Variants in STPG4 observed in about 807,000 individuals in gnomAD.
The protein encoded by STPG4 is protein STPG4.
Under a neutral mutation model 31.5 loss-of-function variants are expected in STPG4, and 41 were observed. The observed-to-expected ratio is 1.30, with a 90% CI of 1.01 to 1.69. The LOEUF (loss-of-function observed/expected upper bound fraction) is 1.69. Ranked by LOEUF, STPG4 falls within the 40% of genes most tolerant of loss-of-function variation. The pLI is 0.00. For synonymous variants in STPG4, 141 were observed against 103.0 expected, an observed-to-expected ratio of 1.37 and a Z score of -2.24; for missense variants, 375 against 293.4, an observed-to-expected ratio of 1.28 and a Z score of -2.03.
chr2:47,095,419 C>T (rs1006395260), intron 5 of STPG4, among the ~76,000 whole-genome samples: 2 of 152,180 alleles, frequency 1.3e-5, no homozygotes, highest in African/African-American at 4.8e-5. Flanking sequence ...CCACCACGAG[C>T]TGCGAATGAG....
intron 5 of STPG4, among the ~76,000 whole-genome samples, chr2:47,105,393 T>A (rs1190352637): frequency 6.6e-6 from 1 of 151,902 alleles, no homozygotes; most frequent in Non-Finnish European, 1.5e-5. Flanking sequence ...GCATACTAGG[T>A]GCCAAAGGAA....
chr2:47,151,530 C>A lies in STPG4; in HGVS notation c.142-15G>T, dbSNP rs573384666. 2.5e-6 allele frequency: 4 copies of A among 1,610,824 alleles called. No individual in the cohort carries two copies. Among genetic ancestry groups the A allele is most frequent in the Non-Finnish European group, 3.4e-6 (4 of 1,178,278 alleles). On this transcript the variant is annotated splice_polypyrimidine_tract_variant and intron_variant, in intron 2 of 6. Coordinates refer to ENST00000445927, the MANE Select transcript of STPG4 (RefSeq NM_001163561.2). ...ATAGGAGTATCCTGTGGAAAATTGA[C>A]ATCAGTTTTAAGATTGTGTAAACAT... is the stretch of plus-strand genomic sequence containing the variant.
At chr2:47,099,752 C>T (rs1178142460) in intron 5 of STPG4, among the ~76,000 whole-genome samples, 7 of 152,234 alleles carry the variant, frequency 4.6e-5, no homozygotes, top group Non-Finnish European at 8.8e-5. Flanking sequence ...GAGTGGGAAC[C>T]GGGGCTGCGC....
intron 3 of STPG4, among the ~76,000 whole-genome samples, chr2:47,130,484 G>A (rs761244055): frequency 7.9e-5 from 12 of 152,178 alleles, no homozygotes; most frequent in Non-Finnish European, 1.3e-4. Context: ...TACCTGAGAT[G>A]CTGCATAGGA....
chr2:47,089,159 T>G (rs1302978425), intron 6 of STPG4, among the ~76,000 whole-genome samples: 1 of 152,210 alleles, frequency 6.6e-6, no homozygotes, highest in Non-Finnish European at 1.5e-5. Flanking sequence ...GCCTGGGAGT[T>G]TGGTTAGCAT....
In STPG4 at chr2:47,090,675, G is replaced by A. The variant is rs367805160; in HGVS notation, c.520-301C>T. 1.2e-4 allele frequency among the ~76,000 whole-genome samples: 19 copies of A among 152,272 alleles called. 1 individual carries two copies. In the East Asian group the frequency reaches 2.3e-3, roughly 19 times the overall value. On this transcript the variant is annotated intron_variant, in intron 5 of 6. Coordinates refer to ENST00000445927, the MANE Select transcript of STPG4 (RefSeq NM_001163561.2). ...CCCCCAGGCTCCCAGCCCACACTCA[G>A]GTCCCCCGTTCCCTCACAGCAGCAT...
intron 1 of STPG4, among the ~76,000 whole-genome samples, chr2:47,153,504 G>A (rs1351211367): frequency 3.3e-5 from 5 of 152,240 alleles, no homozygotes; most frequent in African/African-American, 9.6e-5. Context: ...TGTAATCTCA[G>A]CACTTTGGGA....
Position 47,094,043 on chromosome 2 carries a change from TG to T in STPG4, c.520-3670del, listed in dbSNP as rs536960775. ...TAAAACAAGAGGGACATTTGAACCA[TG>T]TTCTCCTCTTCCTTAAAGCTGAGCA... On this transcript the variant is annotated intron_variant, in intron 5 of 6. Coordinates refer to ENST00000445927, the MANE Select transcript of STPG4 (RefSeq NM_001163561.2). 2.6e-5 allele frequency among the ~76,000 whole-genome samples: 4 copies of T among 152,332 alleles called. No individual in the cohort carries two copies. In the South Asian group the frequency reaches 8.3e-4, roughly 32 times the overall value.
intron 5 of STPG4, among the ~76,000 whole-genome samples, chr2:47,111,750 C>G (rs750626563): frequency 1.3e-5 from 2 of 152,174 alleles, no homozygotes; most frequent in Admixed American, 6.5e-5. Context: ...TAGATACTCT[C>G]CTCACAGACT....
chr2:47,153,114 T>C (rs1686969290), intron 1 of STPG4, 98 bp from the exon 2 acceptor site: 1 of 769,932 alleles, frequency 1.3e-6, no homozygotes, highest in African/African-American at 1.8e-5. Flanking sequence ...TTCACACCCA[T>C]ACCCAACTGA....
At chr2:47,087,460 G>A (rs1472250348) in intron 6 of STPG4, among the ~76,000 whole-genome samples, 1 of 152,208 alleles carries the variant, frequency 6.6e-6, no homozygotes, top group African/African-American at 2.4e-5. Context: ...CTTGGCCCAG[G>A]CAACTCCTAT....
In STPG4 at chr2:47,151,163, C is replaced by G. The variant is rs1467250049; in HGVS notation, c.399+95G>C. ...AAGACATCTTAAAGGTTTTCCATTT[C>G]TCCTGGGGGAAGATATACTCTACGT... On this transcript the variant is annotated intron_variant, in intron 3 of 6. Transcript: ENST00000445927. 2.1e-6 allele frequency: 3 copies of G among 1,439,574 alleles called. No homozygotes were observed. In the African/African-American group the frequency reaches 4.3e-5, roughly 21 times the overall value. 89.2% of individuals were successfully genotyped at this position (1,439,574 alleles called of 1,614,324 possible).
chr2:47,099,201 G>A (rs957931019), intron 5 of STPG4, among the ~76,000 whole-genome samples: 1 of 149,766 alleles, frequency 6.7e-6, no homozygotes, highest in Non-Finnish European at 1.5e-5. Flanking sequence ...CAGACTGGCT[G>A]TAGGTGTTCA....
Position 47,147,612 on chromosome 2 carries a change from G to A in STPG4, c.399+3646C>T, listed in dbSNP as rs111798876. ...GAAAGTTCAAGAAACTGAGAAGCCA[G>A]GTTGTTGAAAGATCATCTATGTGTG... On this transcript the variant is annotated intron_variant, in intron 3 of 6. Transcript: ENST00000445927. 1.5e-3 allele frequency among the ~76,000 whole-genome samples: 225 copies of A among 152,244 alleles called. 1 individual carries two copies. Among genetic ancestry groups the A allele is most frequent in the African/African-American group, 5.1e-3 (210 of 41,522 alleles).
chr2:47,116,114 A>G (rs1432973229), intron 5 of STPG4, among the ~76,000 whole-genome samples: 5 of 152,206 alleles, frequency 3.3e-5, no homozygotes, highest in Non-Finnish European at 7.3e-5. Flanking sequence ...TCCAGAGGAT[A>G]AACTCCACCA....
intron 5 of STPG4, among the ~76,000 whole-genome samples, chr2:47,114,350 C>CA (rs1686103213): frequency 6.6e-6 from 1 of 150,548 alleles, no homozygotes; most frequent in Non-Finnish European, 1.5e-5. Context: ...ACTGAAAATA[C>CA]AAAAAAATTA....
At chr2:47,148,308 T>C (rs1162226186) in intron 3 of STPG4, among the ~76,000 whole-genome samples, 1 of 151,988 alleles carries the variant, frequency 6.6e-6, no homozygotes, top group Non-Finnish European at 1.5e-5. Flanking sequence ...AAACTAACTA[T>C]TGGGTACTAA....
intron 5 of STPG4, among the ~76,000 whole-genome samples, chr2:47,119,122 T>C (rs1459628121): frequency 6.6e-6 from 1 of 152,222 alleles, no homozygotes; most frequent in East Asian, 1.9e-4. Flanking sequence ...CATCTCCCAC[T>C]GCTGGGATCA....
intron 5 of STPG4, among the ~76,000 whole-genome samples, chr2:47,113,492 CAAACATATTAAAACAACTAATATGTTAAA>C (rs1686081893): frequency 6.6e-6 from 1 of 152,114 alleles, no homozygotes; most frequent in Admixed American, 6.6e-5. Flanking sequence ...ATAAATCAAT[CAAACATATTAAAACAACTAATATGTTAAA>C]AAACATATTA....
Sources: allele counts gnomAD v4.1 joint callset (sites outside exome capture counted in the v4.1 genomes callset), GRCh38; gene constraint gnomAD v4.1.1; transcripts MANE v1.5; gene names NCBI Gene and HGNC (gene_info 2026-07-23, HGNC 2026-07-21).